The following TET3 variants were observed in gnomAD, a reference collection of about 807,000 sequenced individuals.
TET3 encodes the protein methylcytosine dioxygenase TET3.
TET3 carries 19 observed loss-of-function variants against 141.4 expected under a neutral mutation model. The ratio of observed to expected loss-of-function variants is 0.13; its 90% CI spans 0.09 to 0.20. The LOEUF (loss-of-function observed/expected upper bound fraction) is 0.20, where lower values mean the gene tolerates loss of function less well. Among genes scored for constraint, TET3 ranks in the 10% least tolerant of loss-of-function variants. The probability of loss-of-function intolerance (pLI) is 1.00; values close to 1 mark genes in which losing one functional copy is unlikely to be tolerated. For missense variants in TET3, 1,874 were observed against 2,356.9 expected (o/e 0.80, Z 4.24); for synonymous variants, 1,043 against 980.9 (o/e 1.06, Z -1.18).
chr2:74,082,786 T>C (rs1302272085), intron 6 of TET3, among the ~76,000 whole-genome samples: 1 of 151,732 alleles, frequency 6.6e-6, no homozygotes, highest in Non-Finnish European at 1.5e-5. Flanking sequence ...TGAAGAGGAG[T>C]TGGGTGCTCC....
Position 74,080,629 on chromosome 2 carries a change from T to C in TET3, c.2679+38T>C, listed in dbSNP as rs147234533. 395 of 1,539,804 alleles carry C rather than the reference T, an allele frequency of 2.6e-4. No homozygotes were observed. The African/African-American group carries it at 4.4e-3, about 17-fold the overall frequency. ...CCCACTCAAGAGCCACAGCTGTGCC[T>C]GGTTCCCCTTGCTGCATGGCCACGG... On this transcript the variant is annotated intron_variant, in intron 6 of 11. Coordinates refer to ENST00000409262, the MANE Select transcript of TET3 (RefSeq NM_001287491.2).
At chr2:74,111,815 T>C (rs7570950), downstream of TET3, among the ~76,000 whole-genome samples, 35,907 of 152,082 alleles carry the variant, frequency 0.24, 4,947 homozygotes, top group East Asian at 0.42. Flanking sequence ...TATCCAAATA[T>C]ACCCCTGTTT....
At chr2:74,002,095 T>C (rs1684876966) in intron 2 of TET3, among the ~76,000 whole-genome samples, 1 of 152,116 alleles carries the variant, frequency 6.6e-6, no homozygotes, top group Middle Eastern at 3.2e-3. Flanking sequence ...AGAGCTTGCA[T>C]AGCTGTTAAG....
chr2:74,017,616 C>G (rs920368132), intron 3 of TET3, among the ~76,000 whole-genome samples: 2 of 152,120 alleles, frequency 1.3e-5, no homozygotes, highest in East Asian at 3.8e-4. Context: ...ATTATGTGCA[C>G]GTACCACGTG....
At chr2:74,127,701 T>C in the TET3 span, among the ~76,000 whole-genome samples, 1 of 152,006 alleles carries the variant, frequency 6.6e-6, no homozygotes, top group South Asian at 2.1e-4. Flanking sequence ...GAGGTTTTTT[T>C]TTTTTCTTTA....
chr2:74,012,656 C>T (rs1685520072), intron 3 of TET3, among the ~76,000 whole-genome samples: 1 of 152,180 alleles, frequency 6.6e-6, no homozygotes, highest in South Asian at 2.1e-4. Flanking sequence ...CTCCTAGGAC[C>T]GTCTTTGCAT....
At chr2:73,992,816 G>T (rs768944927) in intron 2 of TET3, among the ~76,000 whole-genome samples, 1 of 152,200 alleles carries the variant, frequency 6.6e-6, no homozygotes, top group Non-Finnish European at 1.5e-5. Flanking sequence ...TTCTAGAACA[G>T]ATTGTTTAAA....
chr2:73,987,686 A>G (rs529350389), intron 2 of TET3, among the ~76,000 whole-genome samples: 67 of 152,318 alleles, frequency 4.4e-4, no homozygotes, highest in Non-Finnish European at 8.7e-4. Flanking sequence ...TGGCTCTGCC[A>G]TTCATTTGTC....
At chr2:74,032,874 T>C (rs1440638820) in intron 3 of TET3, among the ~76,000 whole-genome samples, 1 of 151,764 alleles carries the variant, frequency 6.6e-6, no homozygotes, top group African/African-American at 2.4e-5. Context: ...GGAGTTCTGG[T>C]CCGAGAACAG....
chr2:73,994,365 T>A (rs375934586), intron 2 of TET3, among the ~76,000 whole-genome samples: 65 of 152,256 alleles, frequency 4.3e-4, no homozygotes, highest in African/African-American at 1.6e-3. Flanking sequence ...GGAGTTTTAT[T>A]AGTGGGTGAA....
intron 3 of TET3, among the ~76,000 whole-genome samples, chr2:74,037,510 T>TACTG (rs1321368234): frequency 2.0e-5 from 3 of 152,222 alleles, no homozygotes; most frequent in Non-Finnish European, 2.9e-5. Context: ...GTTGGGAAAG[T>TACTG]ACTGGGTGGA....
chr2:74,056,175 C>T (rs1023733020), intron 4 of TET3, among the ~76,000 whole-genome samples: 1 of 152,178 alleles, frequency 6.6e-6, no homozygotes, highest in Admixed American at 6.5e-5. Context: ...CAGCTGTGCT[C>T]CTGTGTACAT....
At chr2:74,032,389 C>T (rs372690540) in intron 3 of TET3, among the ~76,000 whole-genome samples, 2 of 105,592 alleles carry the variant, frequency 1.9e-5, no homozygotes, top group South Asian at 5.0e-4. Flanking sequence ...GCTTTTCTGG[C>T]CATGGGACGT....
rs1687648886 is a variant in TET3 at position 74,046,811 on chromosome 2, G to A, written c.894G>A (p.Gly298=). 1 of 1,613,338 alleles carries A rather than the reference G, an allele frequency of 6.2e-7. No homozygotes were observed. The highest frequency in any genetic ancestry group is 8.5e-7 in the Non-Finnish European group (1 of 1,179,864). The change falls in exon 4 of 12, where the codon GGG becomes GGA. Residue 298 remains glycine, a synonymous_variant. Transcript: ENST00000409262. The surrounding 1 kb of genome is among the most constrained non-coding windows in gnomAD (Gnocchi z 4.3). The stretch of plus-strand genomic sequence containing the variant: ...TCAAGTCTGTGGTCATGGAAGGAGG[G>A]GAGGAGCGGCCCAGGCTCCCAGGGC... ...GKIKSVVMEG[G]EERPRLPGPL... is the part of the protein sequence containing the mutation.
At chr2:73,985,591 C>T (rs894854964) in intron 1 of TET3, among the ~76,000 whole-genome samples, 23 of 150,914 alleles carry the variant, frequency 1.5e-4, no homozygotes, top group Non-Finnish European at 2.5e-4. Context: ...GGCGCCGGGG[C>T]AGTCCCGCCG....
intron 7 of TET3, 41 bp downstream of exon 7, chr2:74,088,079 G>A (rs1170623290): frequency 6.5e-7 from 1 of 1,533,690 alleles, no homozygotes; most frequent in Non-Finnish European, 8.8e-7. Context: ...CCACCTATAG[G>A]GTCCTGGGCA....
At chr2:74,042,892 C>T (rs536012965) in intron 3 of TET3, among the ~76,000 whole-genome samples, 1 of 152,342 alleles carries the variant, frequency 6.6e-6, no homozygotes, top group East Asian at 1.9e-4. Flanking sequence ...ATACTGGCTT[C>T]ACTTACCTCA....
At chr2:74,134,669 G>A in the TET3 span, 1 of 456,486 alleles carries the variant, frequency 2.2e-6, no homozygotes, top group Admixed American at 2.4e-5. Flanking sequence ...GAAAGTCTGT[G>A]GGGGCAGTCA....
chr2:74,070,452 C>T (rs374964072), intron 4 of TET3, among the ~76,000 whole-genome samples: 15 of 152,276 alleles, frequency 9.9e-5, no homozygotes, highest in African/African-American at 2.9e-4. Context: ...TCCCACAACA[C>T]GGAATTATGG....
Sources: gnomAD v4.1 joint callset for allele counts (sites outside exome capture counted in the v4.1 genomes callset) on GRCh38, gnomAD v4.1.1 for gene constraint, Gnocchi (gnomAD v3.1) non-coding constraint, MANE v1.5 for transcripts, NCBI Gene and HGNC (gene_info 2026-07-23, HGNC 2026-07-21) for gene names.